Variants in DLGAP1 observed in about 807,000 individuals in gnomAD.
DLGAP1 encodes disks large-associated protein 1.
Under a neutral mutation model 90.8 loss-of-function variants are expected in DLGAP1, and 11 were observed. That is an observed-to-expected ratio of 0.12 (90% CI 0.08 to 0.20). DLGAP1 has a LOEUF of 0.20. Ranked by LOEUF, DLGAP1 falls within the 10% of genes least tolerant of loss-of-function variation. DLGAP1 has a pLI of 1.00. For synonymous variants in DLGAP1, 558 were observed against 540.7 expected, an observed-to-expected ratio of 1.03 and a Z score of -0.44; for missense variants, 1,050 against 1,333.8, an observed-to-expected ratio of 0.79 and a Z score of 3.31.
chr18:4,349,741 GA>G lies in DLGAP1; in HGVS notation c.-267+105264del, dbSNP rs2081369037. ...AAAACCGATAACATGAATTGGTAGT[GA>G]AAAAATGTATTCTAATGAGTACTTC... On this transcript the variant is annotated intron_variant, in intron 1 of 12. Coordinates refer to ENST00000315677, the MANE Select transcript of DLGAP1 (RefSeq NM_004746.4). 2.0e-5 allele frequency among the ~76,000 whole-genome samples: 3 copies of G among 152,156 alleles called. No homozygotes were observed. In the South Asian group the frequency reaches 6.2e-4, roughly 32 times the overall value.
intron 5 of DLGAP1, among the ~76,000 whole-genome samples, chr18:3,764,158 G>A (rs939564089): frequency 5.3e-5 from 8 of 152,058 alleles, no homozygotes; most frequent in African/African-American, 1.7e-4. Context: ...TAACAATTAC[G>A]AAGTATTATT....
At chr18:4,215,489 T>G (rs1568455317) in intron 1 of DLGAP1, among the ~76,000 whole-genome samples, 1 of 152,164 alleles carries the variant, frequency 6.6e-6, no homozygotes, top group Non-Finnish European at 1.5e-5. Flanking sequence ...CTGTCAGCCT[T>G]GATGCTGTGT....
chr18:4,035,998 G>GTTTCACTTAGT (rs1264948688), intron 2 of DLGAP1, among the ~76,000 whole-genome samples: 69 of 152,202 alleles, frequency 4.5e-4, no homozygotes, highest in African/African-American at 1.6e-3. Flanking sequence ...CTTAGTACCG[G>GTTTCACTTAGT]GAAAACCTAC....
chr18:3,987,300 C>A (rs1438911711), intron 3 of DLGAP1, among the ~76,000 whole-genome samples: 1 of 152,124 alleles, frequency 6.6e-6, no homozygotes, highest in Non-Finnish European at 1.5e-5. Flanking sequence ...TCACTGAGGT[C>A]CCCATTTCCT....
At chr18:3,508,788 C>A (rs1453547991) in intron 10 of DLGAP1, 127 bp from the exon 11 acceptor site, 3 of 657,690 alleles carry the variant, frequency 4.6e-6, no homozygotes, top group Admixed American at 2.8e-5. Flanking sequence ...ACTGAACACT[C>A]ATGCCCACCC....
rs1049398435 is a variant in DLGAP1, at chr18:3,729,476, T to C, written c.1351-101A>G. On this transcript the variant is annotated intron_variant, in intron 6 of 12. Transcript: ENST00000315677. The surrounding 1 kb of genome is among the most constrained non-coding windows in gnomAD (Gnocchi z 6.2). ...TCAATCCCCAGAAGAAAAAGCAGCGTCTGGTTAGATTAAGCTCAAATGCAT... is the reference window on the plus strand; with the variant it reads ...TCAATCCCCAGAAGAAAAAGCAGCGCCTGGTTAGATTAAGCTCAAATGCAT... The C allele has an allele frequency of 6.8e-7, 1 of 1,477,368 alleles. No individual in the cohort carries two copies. The highest frequency in any genetic ancestry group is 2.2e-5 in the Admixed American group (1 of 45,082). 91.5% of individuals were successfully genotyped at this position (1,477,368 alleles called of 1,614,324 possible).
chr18:4,260,943 G>C (rs555237693), intron 1 of DLGAP1, among the ~76,000 whole-genome samples: 1 of 152,326 alleles, frequency 6.6e-6, no homozygotes, highest in Admixed American at 6.5e-5. Flanking sequence ...ATTGGCTATA[G>C]ATGCAAATCA....
chr18:4,247,400 T>C (rs1330706500), intron 1 of DLGAP1, among the ~76,000 whole-genome samples: 1 of 152,216 alleles, frequency 6.6e-6, no homozygotes, highest in East Asian at 1.9e-4. Context: ...CCATGCGGCC[T>C]TGGCTTCAGC....
chr18:4,277,891 T>C (rs1451684134), intron 1 of DLGAP1, among the ~76,000 whole-genome samples: 1 of 152,184 alleles, frequency 6.6e-6, no homozygotes, highest in East Asian at 1.9e-4. Context: ...ATACAATGTC[T>C]GCTCCACTCT....
chr18:3,840,758 T>C (rs2068669091), intron 4 of DLGAP1, among the ~76,000 whole-genome samples: 1 of 152,148 alleles, frequency 6.6e-6, no homozygotes, highest in African/African-American at 2.4e-5. Context: ...TATCTCCATT[T>C]TACAGATGAA....
intron 1 of DLGAP1, among the ~76,000 whole-genome samples, chr18:4,191,037 GACTTC>G (rs2077389292): frequency 6.6e-6 from 1 of 152,048 alleles, no homozygotes; most frequent in Admixed American, 6.6e-5. Flanking sequence ...TATCTAGAAA[GACTTC>G]ACTTCACATA....
At chr18:3,779,777 T>A (rs2065103762) in intron 5 of DLGAP1, among the ~76,000 whole-genome samples, 1 of 140,570 alleles carries the variant, frequency 7.1e-6, no homozygotes, top group African/African-American at 2.7e-5. Flanking sequence ...TTTTTTTTTT[T>A]ACTCTTTCTT....
chr18:3,923,654 AT>A (rs1275483178), intron 3 of DLGAP1, among the ~76,000 whole-genome samples: 1 of 152,138 alleles, frequency 6.6e-6, no homozygotes, highest in South Asian at 2.1e-4. Flanking sequence ...TTTAGTTTCC[AT>A]TTTTTAAATT....
At position 3,775,370 on chromosome 18, in the gene DLGAP1, C is replaced by T. The variant is rs2064891584; in HGVS notation, c.1173-32858G>A. 6.6e-6 allele frequency among the ~76,000 whole-genome samples: 1 copy of T among 152,164 alleles called. No homozygotes were observed. ...TGACTGAATCATGGGGGCAGACTTC[C>T]CTCTTGCTGTTCTCTTGATAGAGTT... On this transcript the variant is annotated intron_variant, in intron 5 of 12. Transcript: ENST00000315677. The surrounding 1 kb of genome is among the most constrained non-coding windows in gnomAD (Gnocchi z 4.9).
At chr18:4,151,818 AGTCAAGCCACTATCC>A (rs1323917479) in intron 1 of DLGAP1, among the ~76,000 whole-genome samples, 2 of 152,192 alleles carry the variant, frequency 1.3e-5, no homozygotes, top group African/African-American at 4.8e-5. Context: ...CTGGTGCCTA[AGTCAAGCCACTATCC>A]TTAATTAGGA....
At chr18:3,533,705 G>C (rs1487483337) in intron 10 of DLGAP1, among the ~76,000 whole-genome samples, 2 of 152,150 alleles carry the variant, frequency 1.3e-5, no homozygotes, top group Non-Finnish European at 2.9e-5. Context: ...CTCTCGAAGA[G>C]CTGGGACTAC....
intron 1 of DLGAP1, among the ~76,000 whole-genome samples, chr18:4,308,848 A>G (rs994263909): frequency 6.6e-6 from 1 of 152,210 alleles, no homozygotes; most frequent in South Asian, 2.1e-4. Context: ...ATCTTTTAAA[A>G]GCTCCAGCCA....
chr18:3,693,133 G>C (rs562168772), intron 7 of DLGAP1, among the ~76,000 whole-genome samples: 3 of 152,342 alleles, frequency 2.0e-5, no homozygotes, highest in Admixed American at 6.5e-5. Flanking sequence ...GCTCAGGCTG[G>C]AGTGCAGTGG....
chr18:3,734,184 T>G (rs2062552570), intron 6 of DLGAP1, among the ~76,000 whole-genome samples: 1 of 152,156 alleles, frequency 6.6e-6, no homozygotes, highest in Non-Finnish European at 1.5e-5. Flanking sequence ...TGTCTAATCT[T>G]TTTTGTCTGT....
Sources: allele counts gnomAD v4.1 joint callset (sites outside exome capture counted in the v4.1 genomes callset), GRCh38; gene constraint gnomAD v4.1.1; non-coding constraint Gnocchi (gnomAD v3.1); transcripts MANE v1.5; gene names NCBI Gene and HGNC (gene_info 2026-07-23, HGNC 2026-07-21).